HDC: variants seen among roughly 807,000 people sequenced by gnomAD.
The protein encoded by HDC is histidine decarboxylase.
In HDC, 27 loss-of-function variants were observed where a neutral mutation model predicts 64.4. The ratio of observed to expected loss-of-function variants is 0.42; its 90% CI spans 0.31 to 0.58. The LOEUF is 0.58. HDC is among the 20% of genes least tolerant of loss of function. The probability of loss-of-function intolerance (pLI) is 0.16; values close to 1 mark genes in which losing one functional copy is unlikely to be tolerated. For synonymous variants in HDC, 305 were observed against 314.2 expected, an observed-to-expected ratio of 0.97 and a Z score of 0.31; for missense variants, 711 against 833.9, an observed-to-expected ratio of 0.85 and a Z score of 1.81.
At chr15:50,246,235 T>C (rs1423106602) in intron 10 of HDC, among the ~76,000 whole-genome samples, 2 of 152,224 alleles carry the variant, frequency 1.3e-5, no homozygotes, top group Non-Finnish European at 2.9e-5. Context: ...GAATTTATTT[T>C]TGTATTGAAG....
At chr15:50,258,920 G>A (rs2045667867) in intron 2 of HDC, among the ~76,000 whole-genome samples, 1 of 152,004 alleles carries the variant, frequency 6.6e-6, no homozygotes, top group Non-Finnish European at 1.5e-5. Flanking sequence ...CAGCACTTTG[G>A]GAGGCCGAGG....
intron 2 of HDC, 91 bp downstream of exon 2, chr15:50,263,144 A>T (rs768545358): frequency 6.6e-6 from 9 of 1,361,104 alleles, no homozygotes; most frequent in Non-Finnish European, 8.4e-6. Flanking sequence ...TTCTCATCCC[A>T]AGCTGACCCA....
At position 50,261,928 on chromosome 15, in the gene HDC, T is replaced by C. The variant is rs944234568; in HGVS notation, c.204+1307A>G. On this transcript the variant is annotated intron_variant, in intron 2 of 11. Transcript: ENST00000267845. The stretch of plus-strand genomic sequence containing the variant: ...TTCTCCATGTTGGTCAGGCTGGTCT[T>C]GAACTCCCGACCTCAGGTGATCCAC... Among the ~76,000 whole-genome samples, 6 of 152,032 alleles carry C rather than the reference T, an allele frequency of 3.9e-5. No homozygotes were observed. In the East Asian group the frequency reaches 1.2e-3, roughly 29 times the overall value.
chr15:50,254,354 G>T, intron 5 of HDC, 81 bp from the exon 6 acceptor site: 1 of 1,573,780 alleles, frequency 6.4e-7, no homozygotes, highest in Non-Finnish European at 8.7e-7. Context: ...CCTAAGACTC[G>T]GGAACCAAAT....
intron 9 of HDC, among the ~76,000 whole-genome samples, chr15:50,250,815 C>G (rs2045544469): frequency 6.6e-6 from 1 of 152,134 alleles, no homozygotes; most frequent in Non-Finnish European, 1.5e-5. Context: ...TTCTTTCTTT[C>G]TTTACCTCTA....
Position 50,243,123 on chromosome 15 carries a change from G to T in HDC, c.1242+20C>A, listed in dbSNP as rs1378652800. ...CACCACAAGACATCATTCACAGAGG[G>T]GCTTGGAAGATGGTATTACCTTTAG... On this transcript the variant is annotated intron_variant, in intron 11 of 11. Transcript: ENST00000267845. The T allele has an allele frequency of 1.2e-6, 2 of 1,610,694 alleles. No homozygotes were observed. Among genetic ancestry groups the T allele is most frequent in the Non-Finnish European group, 1.7e-6 (2 of 1,176,994 alleles).
In HDC at chr15:50,242,330, G is replaced by A. The variant is rs760423840; in HGVS notation, c.1919C>T (p.Pro640Leu). The A allele has an allele frequency of 2.5e-6, 4 of 1,614,102 alleles. No individual in the cohort carries two copies. The South Asian group carries it at 4.4e-5, about 18-fold the overall frequency. Residue 640 changes from proline (P) to leucine (L), a missense_variant, in exon 12 of 12, where the codon CCC (proline) becomes CTC (leucine). Coordinates refer to ENST00000267845, the MANE Select transcript of HDC (RefSeq NM_002112.4). ...FKKLIKFYSV[P>L]SFPECSSQCG... ...TTGAGAGCTGCATTCAGGAAAGCTG[G>A]GGACGCTGTAGAATTTGATGAGTTT...
intron 10 of HDC, among the ~76,000 whole-genome samples, chr15:50,247,234 A>G (rs2045494107): frequency 6.6e-6 from 1 of 152,224 alleles, no homozygotes; most frequent in South Asian, 2.1e-4. Flanking sequence ...TAACTTAAAG[A>G]ATGGAACTAG....
intron 9 of HDC, among the ~76,000 whole-genome samples, chr15:50,250,801 ATTT>A (rs770915199): frequency 4.6e-5 from 7 of 152,134 alleles, no homozygotes; most frequent in South Asian, 2.1e-4. Context: ...AAGAACCATT[ATTT>A]TTCTTTCTTT....
At chr15:50,263,106 G>A (rs2045724922) in intron 2 of HDC, 129 bp downstream of exon 2, 1 of 905,080 alleles carries the variant, frequency 1.1e-6, no homozygotes, top group Non-Finnish European at 1.8e-6. Flanking sequence ...GGGCTGGGGT[G>A]TTGGTGGCCA....
In HDC at chr15:50,254,195, G is replaced by A. The variant is rs775780391; in HGVS notation, c.655C>T (p.Leu219Phe). ...GCCTTCTGAAGAGCTTCCCCTCGGAGTGAGAAGTTGTCATCCACAGGCAGA... is the reference window on the plus strand; with the variant it reads ...GCCTTCTGAAGAGCTTCCCCTCGGAATGAGAAGTTGTCATCCACAGGCAGA... ...KFLPVDDNFS[L>F]RGEALQKAIE... The change falls in exon 6 of 12, where the codon CTC (leucine) becomes TTC (phenylalanine). Residue 219 changes from leucine (L) to phenylalanine (F), a missense_variant. Leu to Phe is a conservative substitution (Grantham distance 22, BLOSUM62 0). Around this residue, in one of 3 missense-constraint regions of HDC, gnomAD observed 225 missense variants for 276.2 expected, o/e 0.81. Coordinates refer to ENST00000267845, the MANE Select transcript of HDC (RefSeq NM_002112.4). 3.0e-5 allele frequency: 48 copies of A among 1,614,080 alleles called. No homozygotes were observed. Among genetic ancestry groups the A allele is most frequent in the Non-Finnish European group, 4.1e-5 (48 of 1,180,034 alleles).
At chr15:50,257,662 G>T (rs147599133) in intron 3 of HDC, 115 bp from the exon 4 acceptor site, 1 of 1,260,948 alleles carries the variant, frequency 7.9e-7, no homozygotes. Context: ...TCTGGAGAAG[G>T]GGTCATGTTA....
chr15:50,254,141 C>A lies in HDC; in HGVS notation c.709G>T (p.Val237Leu), dbSNP rs1467988358. 1 of 1,614,210 alleles carries A rather than the reference C, an allele frequency of 6.2e-7. No homozygotes were observed. Among genetic ancestry groups the A allele is most frequent in the Non-Finnish European group, 8.5e-7 (1 of 1,180,042 alleles). The change falls in exon 6 of 12, where the codon GTG becomes TTG. Residue 237 changes from valine (V) to leucine (L), a missense_variant. This residue lies in a region of HDC where 483 missense variants were observed against 540.9 expected (regional missense o/e 0.89). Transcript: ENST00000267845. ...AIEEDKQRGLVPVFVCATLGT... is the reference protein window; with the variant it reads ...AIEEDKQRGLLPVFVCATLGT... ...ATATCCTGACTTACAAAGACGGGCA[C>A]CAAGCCCCGCTGCTTGTCTTCCTCG...
chr15:50,263,343 T>G lies in HDC; in HGVS notation c.96A>C (p.Pro32=), dbSNP rs749504297. Residue 32 remains proline (P), a synonymous_variant, in exon 2 of 12, where the codon CCA becomes CCC. Transcript: ENST00000267845. Reference sequence around the variant, plus strand: ...CTCGCAGGTAGCCAGGCTGCACGTCTGGCGTCACACGTCTCTCCCGCACAG... The same window carrying G: ...CTCGCAGGTAGCCAGGCTGCACGTCGGGCGTCACACGTCTCTCCCGCACAG... ...LSTVRERRVT[P]DVQPGYLRAQ... 77 of 1,614,082 alleles carry G rather than the reference T, an allele frequency of 4.8e-5. 3 individuals carry two copies. The South Asian group carries it at 8.2e-4, about 17-fold the overall frequency.
Position 50,265,609 on chromosome 15 carries a change from C to G in HDC, c.15G>C (p.Glu5Asp). 2 of 1,613,936 alleles carry G rather than the reference C, an allele frequency of 1.2e-6. No individual in the cohort carries two copies. The highest frequency in any genetic ancestry group is 1.7e-6 in the Non-Finnish European group (2 of 1,179,832). ...GTTGCTCACCTCTCTCTCTGTACTC[C>G]TCAGGCTCCATCATCTCCCTTGGGC... MMEPEEYRERGREMV... is the reference protein window; with the variant it reads MMEPDEYRERGREMV... The change falls in exon 1 of 12, where the codon GAG becomes GAC. Residue 5 changes from glutamate to aspartate, a missense_variant. Coordinates refer to ENST00000267845, the MANE Select transcript of HDC (RefSeq NM_002112.4).
At chr15:50,263,749 G>A (rs769561541) in intron 1 of HDC, among the ~76,000 whole-genome samples, 4 of 152,050 alleles carry the variant, frequency 2.6e-5, no homozygotes, top group Admixed American at 6.5e-5. Context: ...GCAGTGAGCC[G>A]AGATCGTGCC....
chr15:50,259,398 G>C (rs17796788), intron 2 of HDC, among the ~76,000 whole-genome samples: 2 of 152,032 alleles, frequency 1.3e-5, no homozygotes, highest in Non-Finnish European at 2.9e-5. Context: ...ATGGGAGGCC[G>C]ACCTCCAGGC....
In HDC at chr15:50,242,598, C is replaced by T. The variant is rs1412667334; in HGVS notation, c.1651G>A (p.Asp551Asn). 6.2e-7 allele frequency: 1 copy of T among 1,614,186 alleles called. No individual in the cohort carries two copies. The highest frequency in any genetic ancestry group is 1.7e-5 in the Admixed American group (1 of 60,018). ...HLETLLDPVD[D>N]CFSEEAPDAT... ...TCTGGGGCCTCTTCTGAAAAGCAGT[C>T]ATCAACTGGGTCCAGCAGGGTTTCA... The change falls in exon 12 of 12, where the codon GAC (aspartate) becomes AAC (asparagine). Residue 551 changes from aspartate to asparagine, a missense_variant. Asp to Asn is a conservative substitution (Grantham distance 23). This residue lies in a region of HDC where 483 missense variants were observed against 540.9 expected (regional missense o/e 0.89). Coordinates refer to ENST00000267845, the MANE Select transcript of HDC (RefSeq NM_002112.4).
chr15:50,263,099 C>A, intron 2 of HDC, 136 bp downstream of exon 2: 1 of 861,680 alleles, frequency 1.2e-6, no homozygotes. Context: ...AGCAGATGGG[C>A]TGGGGTGTTG....
Sources: gnomAD v4.1 joint callset for allele counts (sites outside exome capture counted in the v4.1 genomes callset) on GRCh38, gnomAD v4.1.1 for gene constraint, gnomAD v4.1.1 regional missense constraint, MANE v1.5 for transcripts, NCBI Gene and HGNC (gene_info 2026-07-23, HGNC 2026-07-21) for gene names.